The following PP2D1 variants were observed in gnomAD, a reference collection of about 807,000 sequenced individuals.
PP2D1 encodes the protein protein phosphatase 2C like domain containing 1.
Under a neutral mutation model 30.2 loss-of-function variants are expected in PP2D1, and 25 were observed. That is an observed-to-expected ratio of 0.83 (90% CI 0.60 to 1.16). The LOEUF (loss-of-function observed/expected upper bound fraction) is 1.16. Among genes scored for constraint, PP2D1 ranks in the 50% most tolerant of loss-of-function variants. The probability of loss-of-function intolerance (pLI) is 0.00; values close to 1 mark genes in which losing one functional copy is unlikely to be tolerated. For missense variants in PP2D1, 760 were observed against 742.4 expected (o/e 1.02, Z -0.28); for synonymous variants, 260 against 258.9 (o/e 1.00, Z -0.04).
intron 1 of PP2D1, among the ~76,000 whole-genome samples, chr3:20,004,859 C>A (rs908396267): frequency 2.0e-5 from 3 of 152,096 alleles, no homozygotes; most frequent in Non-Finnish European, 4.4e-5. Flanking sequence ...ATAATCCCAG[C>A]ACTTTGGGAG....
intron 1 of PP2D1, among the ~76,000 whole-genome samples, chr3:20,005,008 G>A (rs1011126817): frequency 2.6e-5 from 4 of 152,048 alleles, no homozygotes; most frequent in African/African-American, 4.8e-5. Flanking sequence ...CTACTCAGGA[G>A]GCTGAGGTGG....
intron 2 of PP2D1, among the ~76,000 whole-genome samples, chr3:19,999,733 T>A (rs557918342): frequency 9.3e-4 from 142 of 152,284 alleles, no homozygotes; most frequent in African/African-American, 3.2e-3. Flanking sequence ...GAATATGTCA[T>A]AATTTGTCAT....
At position 20,001,273 on chromosome 3, in the gene PP2D1, G is replaced by T; in HGVS notation, c.847C>A (p.His283Asn). 1.3e-6 allele frequency: 2 copies of T among 1,536,142 alleles called. No individual in the cohort carries two copies. The highest frequency in any genetic ancestry group is 1.7e-6 in the Non-Finnish European group (2 of 1,146,906). ...EAVRCEYEDT[H>N]KAFAKAFWRM... ...CAAAATGCTTTTGCAAAGGCTTTGT[G>T]TGTGTCCTCATACTCACACCTCACT... Residue 283 changes from histidine to asparagine, a missense_variant, in exon 2 of 3, where the codon CAC becomes AAC. His to Asn is a moderately conservative substitution (Grantham distance 68). Around this residue, in one of 3 missense-constraint regions of PP2D1, gnomAD observed 374 missense variants for 388.8 expected, o/e 0.96. Transcript: ENST00000389050.
chr3:19,983,300 C>T (rs1428045273), downstream of PP2D1, among the ~76,000 whole-genome samples: 1 of 146,312 alleles, frequency 6.8e-6, no homozygotes, highest in African/African-American at 2.6e-5. Context: ...CACGCCATTG[C>T]ACTCCAGCCT....
chr3:20,000,117 C>A (rs1172347274), intron 2 of PP2D1, among the ~76,000 whole-genome samples: 1 of 152,192 alleles, frequency 6.6e-6, no homozygotes, highest in African/African-American at 2.4e-5. Context: ...TGGAAACAAT[C>A]CCCTTAAGAG....
chr3:20,007,060 T>A (rs1237818109), intron 1 of PP2D1, among the ~76,000 whole-genome samples: 1 of 151,224 alleles, frequency 6.6e-6, no homozygotes, highest in Non-Finnish European at 1.5e-5. Context: ...TTAGTAGAGA[T>A]GAGTTTTCAC....
intron 2 of PP2D1, among the ~76,000 whole-genome samples, chr3:19,987,326 C>T (rs1697052156): frequency 2.0e-5 from 3 of 151,896 alleles, no homozygotes; most frequent in Admixed American, 2.0e-4. Context: ...TGATTTTCCC[C>T]AAGTTTTTAG....
chr3:19,991,579 A>G (rs1342882788), intron 2 of PP2D1, among the ~76,000 whole-genome samples: 1 of 152,166 alleles, frequency 6.6e-6, no homozygotes, highest in Non-Finnish European at 1.5e-5. Flanking sequence ...TTGGTGTAGA[A>G]AAACAGTATG....
At chr3:20,004,338 C>G (rs1028706317) in intron 1 of PP2D1, among the ~76,000 whole-genome samples, 1 of 152,208 alleles carries the variant, frequency 6.6e-6, no homozygotes, top group African/African-American at 2.4e-5. Flanking sequence ...TGTGTAAGTA[C>G]ACTCTATGAC....
intron 2 of PP2D1, 64 bp from the exon 3 acceptor site, chr3:19,986,246 T>G: frequency 8.5e-7 from 1 of 1,177,644 alleles, no homozygotes; most frequent in Non-Finnish European, 1.1e-6. Context: ...TATCAAAATC[T>G]ACTGCTAACT....
At position 19,985,920 on chromosome 3, in the gene PP2D1, A is replaced by C. The variant is rs1276153031; in HGVS notation, c.1353T>G (p.Ile451Met). 7 of 1,536,460 alleles carry C rather than the reference A, an allele frequency of 4.6e-6. No individual in the cohort carries two copies. In the African/African-American group the frequency reaches 6.8e-5, roughly 15 times the overall value. ...CTTCCCAAAGTCCATTAGTAGCTAC[A>C]ATAAGGAATTGACATAGGTCATCTA... is the stretch of plus-strand genomic sequence containing the variant. ...VPIDDLCQFLIVATNGLWEVL... is the reference protein window; with the variant it reads ...VPIDDLCQFLMVATNGLWEVL... The change falls in exon 3 of 3, where the codon ATT becomes ATG. Residue 451 changes from isoleucine to methionine, a missense_variant. Ile to Met is a conservative substitution (Grantham distance 10). Coordinates refer to ENST00000389050, the MANE Select transcript of PP2D1 (RefSeq NM_001252657.2).
At chr3:19,992,833 C>A (rs1207103712) in intron 2 of PP2D1, among the ~76,000 whole-genome samples, 1 of 152,062 alleles carries the variant, frequency 6.6e-6, no homozygotes, top group Non-Finnish European at 1.5e-5. Context: ...AGTGACGTGG[C>A]AATCTTGAGA....
At chr3:19,999,536 G>A (rs990542091) in intron 2 of PP2D1, among the ~76,000 whole-genome samples, 5 of 143,930 alleles carry the variant, frequency 3.5e-5, no homozygotes, top group Admixed American at 2.8e-4. Context: ...CACCTGCCAC[G>A]CCTGGCTAAT....
chr3:19,984,061 A>G (rs1229119406), downstream of PP2D1: 4 of 456,394 alleles, frequency 8.8e-6, 1 homozygote, highest in South Asian at 4.4e-5. Flanking sequence ...CACTTGTTTC[A>G]TTGGAAGGTT....
intron 2 of PP2D1, among the ~76,000 whole-genome samples, chr3:19,991,279 A>G (rs1227863644): frequency 2.0e-5 from 3 of 152,192 alleles, no homozygotes; most frequent in Admixed American, 6.5e-5. Context: ...CTGGGTTATC[A>G]CCAACTTTTG....
chr3:19,990,861 T>G (rs1301140015), intron 2 of PP2D1, among the ~76,000 whole-genome samples: 2 of 151,972 alleles, frequency 1.3e-5, no homozygotes, highest in East Asian at 1.9e-4. Flanking sequence ...ATCACTGTTA[T>G]GTCCACATAG....
chr3:19,994,717 G>T (rs1465303942), intron 2 of PP2D1, among the ~76,000 whole-genome samples: 1 of 152,206 alleles, frequency 6.6e-6, no homozygotes, highest in Non-Finnish European at 1.5e-5. Context: ...ACAGAGCCAA[G>T]AGTCCAGGGA....
chr3:20,001,091 C>T lies in PP2D1; in HGVS notation c.1029G>A (p.Glu343=), dbSNP rs1438756909. The change falls in exon 2 of 3, where the codon GAG becomes GAA. Residue 343 remains glutamate (E), a synonymous_variant. Coordinates refer to ENST00000389050, the MANE Select transcript of PP2D1 (RefSeq NM_001252657.2). ...TTGGCATCTCCTGGGAAGGGGAGCT[C>T]TCTGCCAACCCATCATGGGTATTTT... is the stretch of plus-strand genomic sequence containing the variant. ...KRKNTHDGLA[E]SSPSQEMPKI... is the part of the protein sequence containing the mutation. 7.1e-7 allele frequency: 1 copy of T among 1,407,138 alleles called. No homozygotes were observed. The highest frequency in any genetic ancestry group is 1.4e-5 in the African/African-American group (1 of 69,524). The allele number at this position is 1,407,138 out of a possible 1,614,324, so 87.2% of individuals were successfully genotyped here.
At position 19,985,751 on chromosome 3, in the gene PP2D1, G is replaced by A. The variant is rs1323752060; in HGVS notation, c.1522C>T (p.Gln508Ter). 6.5e-7 allele frequency: 1 copy of A among 1,536,008 alleles called. No individual in the cohort carries two copies. The highest frequency in any genetic ancestry group is 2.4e-5 in the East Asian group (1 of 40,904). ...STSEPNLTKSQSNIHVLFQYK... is the reference protein window; with the variant it reads ...STSEPNLTKS ...TGAAACAATACGTGGATATTACTCT[G>A]TGATTTAGTAAGGTTTGGTTCACTG... is the stretch of plus-strand genomic sequence containing the variant. The change falls in exon 3 of 3, where the codon CAG becomes TAG. Residue 508 changes from glutamine (Q) to a stop codon, truncating the protein, a stop_gained. Transcript: ENST00000389050. LOFTEE classifies it low-confidence loss of function (END_TRUNC).
Sources: allele counts gnomAD v4.1 joint callset (sites outside exome capture counted in the v4.1 genomes callset), GRCh38; gene constraint gnomAD v4.1.1; regional missense constraint gnomAD v4.1.1; transcripts MANE v1.5; gene names NCBI Gene and HGNC (gene_info 2026-07-23, HGNC 2026-07-21).